The following C1orf94 variants were observed in gnomAD, a reference collection of about 807,000 sequenced individuals.
C1orf94 encodes the protein chromosome 1 open reading frame 94.
C1orf94 carries 45 observed loss-of-function variants against 53.6 expected under a neutral mutation model. The ratio of observed to expected loss-of-function variants is 0.84; its 90% CI spans 0.66 to 1.08. The LOEUF (loss-of-function observed/expected upper bound fraction) is 1.08, where lower values mean the gene tolerates loss of function less well. Ranked by LOEUF, C1orf94 falls within the 50% of genes least tolerant of loss-of-function variation. C1orf94 has a pLI of 0.00. For missense variants in C1orf94, 762 were observed against 738.9 expected (o/e 1.03, Z -0.36); for synonymous variants, 304 against 296.1 (o/e 1.03, Z -0.27).
At chr1:34,192,294 G>A (rs1310391027) in intron 1 of C1orf94, among the ~76,000 whole-genome samples, 1 of 152,326 alleles carries the variant, frequency 6.6e-6, no homozygotes, top group East Asian at 1.9e-4. Flanking sequence ...TGCGGGTTCT[G>A]TGTGGGGTCT....
chr1:34,196,316 A>G (rs1290194977), intron 1 of C1orf94, among the ~76,000 whole-genome samples: 2 of 152,142 alleles, frequency 1.3e-5, no homozygotes, highest in African/African-American at 4.8e-5. Context: ...TGTGCAGCGG[A>G]GGACCCAGGG....
chr1:34,207,950 G>T (rs1229775216), intron 4 of C1orf94, among the ~76,000 whole-genome samples: 1 of 152,188 alleles, frequency 6.6e-6, no homozygotes, highest in Non-Finnish European at 1.5e-5. Context: ...CATCAGAAAG[G>T]CTGTGAAGGC....
chr1:34,168,185 A>G (rs763582308), intron 1 of C1orf94, among the ~76,000 whole-genome samples: 11 of 152,208 alleles, frequency 7.2e-5, no homozygotes, highest in Non-Finnish European at 1.2e-4. Context: ...GGCTAAAGCC[A>G]GAGGATCATT....
chr1:34,169,110 A>G (rs1463406495), intron 1 of C1orf94, among the ~76,000 whole-genome samples: 2 of 140,972 alleles, frequency 1.4e-5, no homozygotes, highest in Non-Finnish European at 3.2e-5. Flanking sequence ...GTGGCCTGAC[A>G]TATACTCTAA....
chr1:34,171,288 C>T (rs752724036), intron 1 of C1orf94, among the ~76,000 whole-genome samples: 1 of 152,210 alleles, frequency 6.6e-6, no homozygotes, highest in Non-Finnish European at 1.5e-5. Flanking sequence ...GTGTTTTGTT[C>T]TCTCTGCCTA....
chr1:34,186,806 G>A (rs750161889), intron 1 of C1orf94, among the ~76,000 whole-genome samples: 4 of 152,200 alleles, frequency 2.6e-5, no homozygotes, highest in Non-Finnish European at 4.4e-5. Context: ...GGCACATATC[G>A]TGTGCTGCCT....
intron 5 of C1orf94, among the ~76,000 whole-genome samples, chr1:34,210,427 A>G (rs1642870740): frequency 6.6e-6 from 1 of 152,214 alleles, no homozygotes; most frequent in Non-Finnish European, 1.5e-5. Flanking sequence ...TAGAGAGGCT[A>G]GTGAGAACCA....
chr1:34,189,807 G>A (rs1276028801), intron 1 of C1orf94, among the ~76,000 whole-genome samples: 1 of 152,226 alleles, frequency 6.6e-6, no homozygotes, highest in Non-Finnish European at 1.5e-5. Flanking sequence ...TCATCCTCCT[G>A]GCTCTTGGCT....
chr1:34,210,171 C>T (rs1462895845), intron 5 of C1orf94, among the ~76,000 whole-genome samples: 1 of 152,146 alleles, frequency 6.6e-6, no homozygotes, highest in Non-Finnish European at 1.5e-5. Flanking sequence ...CTGCCTCCTC[C>T]ACTTCAATCC....
chr1:34,203,564 G>A (rs1642748506), intron 4 of C1orf94, among the ~76,000 whole-genome samples: 3 of 152,176 alleles, frequency 2.0e-5, no homozygotes, highest in South Asian at 2.1e-4. Flanking sequence ...TGAGGATACC[G>A]TGGAATGAGT....
At chr1:34,172,400 C>T (rs778652864), upstream of C1orf94, among the ~76,000 whole-genome samples, 3 of 152,156 alleles carry the variant, frequency 2.0e-5, no homozygotes, top group Non-Finnish European at 4.4e-5. Context: ...TGAGAGTTTA[C>T]CATAAGCCAG....
At chr1:34,170,374 G>A (rs1461034404) in intron 1 of C1orf94, among the ~76,000 whole-genome samples, 2 of 152,154 alleles carry the variant, frequency 1.3e-5, no homozygotes, top group Admixed American at 6.5e-5. Flanking sequence ...AGCATGTGAT[G>A]GAAATAAGAA....
chr1:34,200,648 C>G, intron 2 of C1orf94, 124 bp from the exon 3 acceptor site: 1 of 1,354,256 alleles, frequency 7.4e-7, no homozygotes, highest in East Asian at 2.3e-5. Context: ...AGAGAGTCCC[C>G]CAAAGTGGTC....
At chr1:34,167,603 A>C (rs79128017) in intron 1 of C1orf94, among the ~76,000 whole-genome samples, 9,245 of 152,134 alleles carry the variant, frequency 0.061, 360 homozygotes, top group South Asian at 0.087. Flanking sequence ...ACGTGCTTTC[A>C]CTGAGCGCCT....
At chr1:34,185,443 G>A (rs2148613344) in intron 1 of C1orf94, among the ~76,000 whole-genome samples, 1 of 152,342 alleles carries the variant, frequency 6.6e-6, no homozygotes, top group African/African-American at 2.4e-5. Flanking sequence ...GCCTCTCAAA[G>A]TGCTGGGATT....
At chr1:34,181,038 C>G (rs1341891241) in intron 1 of C1orf94, among the ~76,000 whole-genome samples, 2 of 152,144 alleles carry the variant, frequency 1.3e-5, no homozygotes, top group Non-Finnish European at 2.9e-5. Flanking sequence ...TGCCCCTTCC[C>G]TTGCTATGAA....
chr1:34,207,295 GTGTGTGTGTC>G (rs1430779890), intron 4 of C1orf94, among the ~76,000 whole-genome samples: 2 of 130,742 alleles, frequency 1.5e-5, no homozygotes, highest in African/African-American at 5.7e-5. Context: ...GTGTGTGTGT[GTGTGTGTGTC>G]TTACGTCTGT....
Position 34,208,233 on chromosome 1 carries a change from A to G in C1orf94, c.1523A>G (p.Gln508Arg). ...CCGCAGCTGGGATGTTACTCCCAAC[A>G]GGTGAGTAGACGATCTCTCCTCCTC... is the stretch of plus-strand genomic sequence containing the variant. ...LHPQLGCYSQQVMPYNPQQMG... is the reference protein window; with the variant it reads ...LHPQLGCYSQRVMPYNPQQMG... The change falls in exon 5 of 7, where the codon CAG becomes CGG. Residue 508 changes from glutamine (Q) to arginine (R), a missense_variant and splice_region_variant. Coordinates refer to ENST00000488417, the MANE Select transcript of C1orf94 (RefSeq NM_001134734.2). The G allele has an allele frequency of 6.2e-7, 1 of 1,613,532 alleles. No individual in the cohort carries two copies. The highest frequency in any genetic ancestry group is 8.5e-7 in the Non-Finnish European group (1 of 1,179,770).
rs548680092 is a variant in C1orf94, at chr1:34,218,257, C to T, written c.1722-429C>T. ...CTCTGGGATTGTCCAGCCCCAAAGA[C>T]CTTATGCTGGACTTGCCTCTAAGTT... is the stretch of plus-strand genomic sequence containing the variant. On this transcript the variant is annotated intron_variant, in intron 6 of 6. Transcript: ENST00000488417. Among the ~76,000 whole-genome samples the T allele has an allele frequency of 2.0e-5, 3 of 152,248 alleles. No homozygotes were observed. The East Asian group carries it at 5.8e-4, about 29-fold the overall frequency.
Sources: gnomAD v4.1 joint callset for allele counts (sites outside exome capture counted in the v4.1 genomes callset) on GRCh38, gnomAD v4.1.1 for gene constraint, MANE v1.5 for transcripts, NCBI Gene and HGNC (gene_info 2026-07-23, HGNC 2026-07-21) for gene names.